The following USP9X variants were observed in gnomAD, a reference collection of about 807,000 sequenced individuals.
USP9X encodes ubiquitin carboxyl-terminal hydrolase 9X.
In USP9X, 7 loss-of-function variants were observed where a neutral mutation model predicts 190.3. The ratio of observed to expected loss-of-function variants is 0.04; its 90% CI spans 0.02 to 0.07. The LOEUF (loss-of-function observed/expected upper bound fraction) is 0.07. USP9X is among the 10% of genes least tolerant of loss of function. The pLI, the probability that USP9X is intolerant of heterozygous loss-of-function variation, is 1.00. For missense variants in USP9X, 1,010 were observed against 1,916.9 expected (o/e 0.53, Z 8.83); for synonymous variants, 645 against 659.5 (o/e 0.98, Z 0.34).
intron 6 of USP9X, among the ~76,000 whole-genome samples, chrX:41,137,536 A>T (rs2062385720): frequency 9.0e-6 from 1 of 111,279 alleles, no homozygotes; most frequent in South Asian, 3.7e-4. Flanking sequence ...ACTTTAAAAA[A>T]TTTTTCCCTA....
Position 41,137,035 on chromosome X carries a change from G to T in USP9X, c.654+13G>T, listed in dbSNP as rs775851520. ...TCGATCACCAAAGGTGTGTTGGTTT[G>T]TTATTTTCAAAATTAAATAATACAA... is the stretch of plus-strand genomic sequence containing the variant. On this transcript the variant is annotated intron_variant, in intron 6 of 44. Transcript: ENST00000378308. 2.2e-5 allele frequency: 26 copies of T among 1,190,979 alleles called. No individual in the cohort carries two copies. In the South Asian group the frequency reaches 4.3e-4, roughly 20 times the overall value.
At chrX:41,140,451 A>C (rs1462292504) in intron 6 of USP9X, among the ~76,000 whole-genome samples, 2 of 112,037 alleles carry the variant, frequency 1.8e-5, no homozygotes, top group African/African-American at 3.2e-5. Flanking sequence ...ACTATGCCCC[A>C]GTGATTTAAT....
At chrX:41,145,985 A>G (rs539773883) in intron 11 of USP9X, among the ~76,000 whole-genome samples, 49 of 112,100 alleles carry the variant, frequency 4.4e-4, no homozygotes, top group Middle Eastern at 4.6e-3. Context: ...TTTTGTTTCT[A>G]TACATGTAAA....
At chrX:41,175,207 G>A (rs1435125805) in intron 21 of USP9X, among the ~76,000 whole-genome samples, 2 of 111,529 alleles carry the variant, frequency 1.8e-5, no homozygotes, top group Non-Finnish European at 3.8e-5. Flanking sequence ...TTCAGCACTT[G>A]TGTGCTCTTT....
chrX:41,226,214 A>G (rs1248450111), intron 41 of USP9X, among the ~76,000 whole-genome samples: 2 of 112,373 alleles, frequency 1.8e-5, no homozygotes, highest in Non-Finnish European at 3.8e-5. Flanking sequence ...TTAGAATGTT[A>G]ACTTTTTTCC....
intron 14 of USP9X, among the ~76,000 whole-genome samples, chrX:41,158,084 G>A (rs902628968): frequency 1.8e-5 from 2 of 111,188 alleles, no homozygotes; most frequent in African/African-American, 3.3e-5. Flanking sequence ...TAGAAATTAT[G>A]CAATCTGAAG....
Position 41,232,824 on chromosome X carries a change from C to CA in USP9X, c.*300_*301insA. The CA allele has an allele frequency of 7.7e-6, 1 of 129,925 alleles. No individual in the cohort carries two copies. The highest frequency in any genetic ancestry group is 1.5e-5 in the Non-Finnish European group (1 of 66,074). 10.7% of individuals were successfully genotyped at this position (129,925 alleles called of 1,213,427 possible). A position where few individuals can be genotyped will look rare whatever the true frequency, so the allele number is the denominator to read the frequency against. The stretch of plus-strand genomic sequence containing the variant: ...GCAAGAAACTTTTTTCTTGATGAGA[C>CA]TCACAGATCTACACAAACTACAAAA... On this transcript the variant is annotated 3_prime_UTR_variant, in exon 45 of 45. Coordinates refer to ENST00000378308, the MANE Select transcript of USP9X (RefSeq NM_001039591.3).
At chrX:41,104,063 C>A in intron 1 of USP9X, among the ~76,000 whole-genome samples, 1 of 111,002 alleles carries the variant, frequency 9.0e-6, no homozygotes, top group Non-Finnish European at 1.9e-5. Context: ...AGGTAAGATA[C>A]CACCCCCACT....
chrX:41,201,827 T>C (rs1037041860), intron 31 of USP9X, among the ~76,000 whole-genome samples: 14 of 111,385 alleles, frequency 1.3e-4, no homozygotes, highest in African/African-American at 4.6e-4. Flanking sequence ...AAAAATTAGC[T>C]GGGTGTGGTG....
Position 41,205,361 on chromosome X carries a change from C to G in USP9X, c.4883C>G (p.Pro1628Arg). The G allele has an allele frequency of 1.7e-6, 2 of 1,204,745 alleles. No individual in the cohort carries two copies. The highest frequency in any genetic ancestry group is 2.2e-6 in the Non-Finnish European group (2 of 892,389). ...FGYPQQFEDK[P>R]ALSKTEDRKE... ...TATCCTCAACAATTTGAAGATAAAC[C>G]AGCATTAAGTAAAACTGAAGATAGA... is the stretch of plus-strand genomic sequence containing the variant. Residue 1628 changes from proline to arginine, a missense_variant, in exon 32 of 45, where the codon CCA becomes CGA. By Grantham distance (103) the Pro-to-Arg change is moderately radical (BLOSUM62 -2). This residue lies in a region of USP9X where 120 missense variants were observed against 342.7 expected (regional missense o/e 0.35). Transcript: ENST00000378308.
Position 41,232,961 on chromosome X carries a change from C to G in USP9X, c.*437C>G, listed in dbSNP as rs2063374662. ...AAAAAAAAAACCAACAGCAACAAAA[C>G]AGAGCCCATCCATGTCAGCCACACC... On this transcript the variant is annotated 3_prime_UTR_variant, in exon 45 of 45. Transcript: ENST00000378308. The G allele has an allele frequency of 8.9e-6, 1 of 111,834 alleles. No individual in the cohort carries two copies. The highest frequency in any genetic ancestry group is 1.9e-5 in the Non-Finnish European group (1 of 53,607). 9.2% of individuals were successfully genotyped at this position (111,834 alleles called of 1,213,427 possible). A position where few individuals can be genotyped will look rare whatever the true frequency, so the allele number is the denominator to read the frequency against.
At position 41,189,336 on chromosome X, in the gene USP9X, G is replaced by C; in HGVS notation, c.3838G>C (p.Glu1280Gln). ...CAATGCAGGCAATGAGCCAGACTTG[G>C]AAGACGAACAGGTTTGCTGTGAAGC... ...KTNAGNEPDL[E>Q]DEQVCCEALE... The change falls in exon 26 of 45, where the codon GAA becomes CAA. Residue 1280 changes from glutamate (E) to glutamine (Q), a missense_variant. By Grantham distance (29) the Glu-to-Gln change is conservative. This residue lies in a region of USP9X where 351 missense variants were observed against 480.8 expected (regional missense o/e 0.73). Coordinates refer to ENST00000378308, the MANE Select transcript of USP9X (RefSeq NM_001039591.3). 7.4e-6 allele frequency: 9 copies of C among 1,210,843 alleles called. No individual in the cohort carries two copies. Among genetic ancestry groups the C allele is most frequent in the Non-Finnish European group, 1.0e-5 (9 of 894,867 alleles).
At chrX:41,095,794 A>G (rs139528433) in intron 1 of USP9X, among the ~76,000 whole-genome samples, 1 of 111,974 alleles carries the variant, frequency 8.9e-6, no homozygotes, top group African/African-American at 3.2e-5. Flanking sequence ...TTGTTTTTGA[A>G]AGATAATTCT....
rs1306535412 is a variant in USP9X, at chrX:41,210,359, C to T, written c.5016-150C>T. On this transcript the variant is annotated intron_variant, in intron 32 of 44. Coordinates refer to ENST00000378308, the MANE Select transcript of USP9X (RefSeq NM_001039591.3). Reference sequence around the variant, plus strand: ...ACAGGGAAAGCACATTCTTTTTTTCCTACTTTTTCCATGTAATTGAGGAAT... The same window carrying T: ...ACAGGGAAAGCACATTCTTTTTTTCTTACTTTTTCCATGTAATTGAGGAAT... 5 of 551,158 alleles carry T rather than the reference C, an allele frequency of 9.1e-6. No homozygotes were observed. In the African/African-American group the frequency reaches 9.5e-5, roughly 10 times the overall value. The allele number at this position is 551,158 out of a possible 1,213,427, so 45.4% of individuals were successfully genotyped here. A position where few individuals can be genotyped will look rare whatever the true frequency, so the allele number is the denominator to read the frequency against.
Position 41,228,028 on chromosome X carries a change from G to A in USP9X, c.7062-1225G>A, listed in dbSNP as rs751186513. ...AACATTTTTTTTTATTACCCCAAAA[G>A]GAAACCCCTACCCAATTAAGCAGTC... On this transcript the variant is annotated intron_variant, in intron 41 of 44. Transcript: ENST00000378308. Among the ~76,000 whole-genome samples the A allele has an allele frequency of 7.2e-5, 8 of 110,599 alleles. No individual in the cohort carries two copies. In the South Asian group the frequency reaches 1.2e-3, roughly 16 times the overall value.
At chrX:41,163,468 A>T (rs1053629857) in intron 15 of USP9X, among the ~76,000 whole-genome samples, 3 of 111,328 alleles carry the variant, frequency 2.7e-5, no homozygotes, top group African/African-American at 9.8e-5. Context: ...AAAAATTTTG[A>T]TGGTCAGGCA....
chrX:41,119,572 A>C (rs926659831), intron 1 of USP9X, among the ~76,000 whole-genome samples: 1 of 111,592 alleles, frequency 9.0e-6, no homozygotes, highest in Non-Finnish European at 1.9e-5. Context: ...CATGACCCCA[A>C]GCTGAGGGAC....
chrX:41,088,965 AAAC>A (rs2061933409), intron 1 of USP9X, among the ~76,000 whole-genome samples: 1 of 102,122 alleles, frequency 9.8e-6, no homozygotes, highest in African/African-American at 3.6e-5. Context: ...CGGGGTTAAA[AAAC>A]AACCACAACA....
intron 16 of USP9X, chrX:41,167,085 A>G (rs924057720): frequency 2.1e-5 from 3 of 141,329 alleles, no homozygotes; most frequent in African/African-American, 9.7e-5. Flanking sequence ...GATGAGTGAT[A>G]AAGATTTATA....
Sources: allele counts gnomAD v4.1 joint callset (sites outside exome capture counted in the v4.1 genomes callset), GRCh38; gene constraint gnomAD v4.1.1; regional missense constraint gnomAD v4.1.1; transcripts MANE v1.5; gene names NCBI Gene and HGNC (gene_info 2026-07-23, HGNC 2026-07-21).